The following MYOCD variants were observed in gnomAD, a reference collection of about 807,000 sequenced individuals.
MYOCD encodes myocardin.
Under a neutral mutation model 96.1 loss-of-function variants are expected in MYOCD, and 32 were observed. That is an observed-to-expected ratio of 0.33 (90% CI 0.25 to 0.45). MYOCD has a LOEUF of 0.45. MYOCD is among the 20% of genes least tolerant of loss of function. The pLI is 1.00. For synonymous variants in MYOCD, 469 were observed against 469.0 expected (o/e 1.00, Z 0.00); for missense variants, 1,133 against 1,200.6 (o/e 0.94, Z 0.83).
rs2032195085 is a variant in MYOCD, at chr17:12,732,207, G to A, written c.416-3954G>A. 2.0e-5 allele frequency among the ~76,000 whole-genome samples: 3 copies of A among 152,106 alleles called. No individual in the cohort carries two copies. In the South Asian group the frequency reaches 6.2e-4, roughly 32 times the overall value. On this transcript the variant is annotated intron_variant, in intron 5 of 13. Transcript: ENST00000425538. ...TTCCTCATTTCATTGACTTAAGCAA[G>A]GGAGACTCCTACAAGCAATGTCTCT...
At chr17:12,679,598 A>C (rs537307550) in intron 1 of MYOCD, among the ~76,000 whole-genome samples, 3 of 152,334 alleles carry the variant, frequency 2.0e-5, no homozygotes, top group African/African-American at 7.2e-5. Flanking sequence ...TATAACATAT[A>C]TATAGTATGA....
chr17:12,707,653 G>A (rs1373923138), intron 2 of MYOCD, among the ~76,000 whole-genome samples: 4 of 152,190 alleles, frequency 2.6e-5, no homozygotes, highest in Non-Finnish European at 4.4e-5. Flanking sequence ...GGCAGAGCTT[G>A]CAGTGAGCAG....
At chr17:12,684,754 G>A (rs2030007355) in intron 1 of MYOCD, among the ~76,000 whole-genome samples, 1 of 149,762 alleles carries the variant, frequency 6.7e-6, no homozygotes, top group Non-Finnish European at 1.5e-5. Flanking sequence ...GCTGAGGCAG[G>A]AGAATCGCTT....
intron 1 of MYOCD, among the ~76,000 whole-genome samples, chr17:12,687,267 C>T (rs541438518): frequency 2.0e-5 from 3 of 152,174 alleles, no homozygotes; most frequent in African/African-American, 7.2e-5. Context: ...GAGTCCTTCC[C>T]TTCATGAGTA....
intron 1 of MYOCD, among the ~76,000 whole-genome samples, chr17:12,698,551 G>A (rs894987249): frequency 6.6e-6 from 1 of 152,048 alleles, no homozygotes; most frequent in African/African-American, 2.4e-5. Flanking sequence ...CACATAGTAG[G>A]CAGTCTAATA....
At chr17:12,723,968 T>C (rs2031922829) in intron 5 of MYOCD, among the ~76,000 whole-genome samples, 2 of 152,202 alleles carry the variant, frequency 1.3e-5, no homozygotes, top group South Asian at 4.1e-4. Flanking sequence ...AATTTTGCCT[T>C]TGGAACTGGT....
At chr17:12,676,267 A>G (rs1338918109) in intron 1 of MYOCD, among the ~76,000 whole-genome samples, 1 of 117,994 alleles carries the variant, frequency 8.5e-6, no homozygotes, top group Non-Finnish European at 1.6e-5. Context: ...ACACACACAC[A>G]CACACACACA....
chr17:12,728,020 A>G (rs1223495763), intron 5 of MYOCD, among the ~76,000 whole-genome samples: 2 of 152,208 alleles, frequency 1.3e-5, no homozygotes, highest in East Asian at 1.9e-4. Context: ...ATCTGAGAGC[A>G]TGCACCTCAT....
intron 1 of MYOCD, among the ~76,000 whole-genome samples, chr17:12,668,448 G>A (rs6502200): frequency 0.26 from 40,103 of 152,168 alleles, 6,468 homozygotes; most frequent in African/African-American, 0.45. Flanking sequence ...TTTATTTATA[G>A]GTGAGCAGAT....
chr17:12,677,348 C>A (rs1031864031), intron 1 of MYOCD, among the ~76,000 whole-genome samples: 2 of 152,022 alleles, frequency 1.3e-5, no homozygotes, highest in African/African-American at 2.4e-5. Flanking sequence ...CAACAAACCC[C>A]CATGACACGC....
chr17:12,756,695 C>CAAAAAAAAGAAAAAAAAAAA (rs2033022631), intron 11 of MYOCD, 138 bp downstream of exon 11: 1 of 134,326 alleles, frequency 7.4e-6, no homozygotes, highest in Non-Finnish European at 1.3e-5. Context: ...GACTGCATCT[C>CAAAAAAAAGAAAAAAAAAAA]AAAAAAAAAA....
intron 1 of MYOCD, among the ~76,000 whole-genome samples, chr17:12,696,433 C>T (rs545122704): frequency 2.0e-5 from 3 of 152,044 alleles, no homozygotes; most frequent in African/African-American, 7.2e-5. Context: ...GAGTATATAC[C>T]CACAGGTGAA....
At chr17:12,669,857 G>A (rs1046957695) in intron 1 of MYOCD, among the ~76,000 whole-genome samples, 6 of 152,018 alleles carry the variant, frequency 3.9e-5, no homozygotes, top group East Asian at 3.9e-4. Context: ...TGACCAATCC[G>A]AGTGGTTTTT....
At chr17:12,753,752 G>A (rs944973390) in intron 10 of MYOCD, among the ~76,000 whole-genome samples, 3 of 152,144 alleles carry the variant, frequency 2.0e-5, no homozygotes, top group African/African-American at 4.8e-5. Context: ...TTTGCTGACC[G>A]CTGTTCTCAG....
intron 5 of MYOCD, among the ~76,000 whole-genome samples, chr17:12,735,647 C>G (rs999221348): frequency 1.3e-5 from 2 of 152,138 alleles, no homozygotes; most frequent in African/African-American, 4.8e-5. Flanking sequence ...GGAATTTAAA[C>G]TTAGTAGCTG....
chr17:12,721,961 T>A (rs1454506291), intron 4 of MYOCD, among the ~76,000 whole-genome samples: 1 of 152,068 alleles, frequency 6.6e-6, no homozygotes, highest in Non-Finnish European at 1.5e-5. Context: ...CAATAAGACA[T>A]CCCTAGACTT....
intron 11 of MYOCD, among the ~76,000 whole-genome samples, chr17:12,757,098 G>A (rs1224079520): frequency 2.0e-5 from 3 of 152,098 alleles, no homozygotes; most frequent in Admixed American, 6.5e-5. Context: ...GAAGAGAGAG[G>A]GACACAGATC....
At chr17:12,724,504 CTTCACTTTTTATTTTTTTAT>C (rs2031939616) in intron 5 of MYOCD, among the ~76,000 whole-genome samples, 1 of 151,998 alleles carries the variant, frequency 6.6e-6, no homozygotes, top group South Asian at 2.1e-4. Flanking sequence ...CCAGTTTGTC[CTTCACTTTTTATTTTTTTAT>C]ATGGTCAATT....
At chr17:12,697,010 G>A (rs2150663845) in intron 1 of MYOCD, among the ~76,000 whole-genome samples, 1 of 152,112 alleles carries the variant, frequency 6.6e-6, no homozygotes, top group African/African-American at 2.4e-5. Flanking sequence ...CTCCAAACAG[G>A]CTGGATTTGC....
Sources: allele counts gnomAD v4.1 joint callset (sites outside exome capture counted in the v4.1 genomes callset), GRCh38; gene constraint gnomAD v4.1.1; transcripts MANE v1.5; gene names NCBI Gene and HGNC (gene_info 2026-07-23, HGNC 2026-07-21).